ATRIP: variants seen among roughly 807,000 people sequenced by gnomAD.
ATRIP encodes the protein ATR-interacting protein.
In ATRIP, 44 loss-of-function variants were observed where a neutral mutation model predicts 78.1. The ratio of observed to expected loss-of-function variants is 0.56; its 90% CI spans 0.44 to 0.72. The LOEUF is 0.72. Ranked by LOEUF, ATRIP falls within the 30% of genes least tolerant of loss-of-function variation. The pLI, the probability that ATRIP is intolerant of heterozygous loss-of-function variation, is 0.00. For synonymous variants in ATRIP, 388 were observed against 408.9 expected, an observed-to-expected ratio of 0.95 and a Z score of 0.62; for missense variants, 927 against 980.2, an observed-to-expected ratio of 0.95 and a Z score of 0.72.
At chr3:48,451,432 A>G (rs1397267400) in intron 2 of ATRIP, among the ~76,000 whole-genome samples, 1 of 152,192 alleles carries the variant, frequency 6.6e-6, no homozygotes, top group Non-Finnish European at 1.5e-5. Context: ...TCAAGGTTAC[A>G]TTGAGCTATG....
At chr3:48,449,869 T>G (rs1378324900) in intron 1 of ATRIP, among the ~76,000 whole-genome samples, 168 bp from the exon 2 acceptor site, 1 of 144,490 alleles carries the variant, frequency 6.9e-6, no homozygotes, top group Non-Finnish European at 1.5e-5. Flanking sequence ...ACCCAGGAGG[T>G]CAAGGTGGCA....
At chr3:48,451,189 C>CA (rs796597857) in intron 2 of ATRIP, among the ~76,000 whole-genome samples, 3,171 of 142,012 alleles carry the variant, frequency 0.022, 104 homozygotes, top group African/African-American at 0.07. Flanking sequence ...GACTCCGTCT[C>CA]AAAAAAAAAA....
rs754385585 is a variant in ATRIP, at chr3:48,446,820, T to A, written c.-26T>A. Reference sequence around the variant, plus strand: ...GGCAGGCAAGTCTAGCTCGGCGCTGTCGGATACTTGGGGTGAGCGGAAAGC... The same window carrying A: ...GGCAGGCAAGTCTAGCTCGGCGCTGACGGATACTTGGGGTGAGCGGAAAGC... On this transcript the variant is annotated 5_prime_UTR_variant, in exon 1 of 13. Transcript: ENST00000320211. The A allele has an allele frequency of 7.2e-7, 1 of 1,385,924 alleles. No individual in the cohort carries two copies. The highest frequency in any genetic ancestry group is 9.4e-7 in the Non-Finnish European group (1 of 1,068,954). 85.9% of individuals were successfully genotyped at this position (1,385,924 alleles called of 1,614,324 possible).
chr3:48,446,936 A>G lies in ATRIP; in HGVS notation c.91A>G (p.Ser31Gly). The change falls in exon 1 of 13, where the codon AGC (serine) becomes GGC (glycine). Residue 31 changes from serine (S) to glycine (G), a missense_variant. Ser to Gly is a moderately conservative substitution (Grantham distance 56). Transcript: ENST00000320211. ...GPPPGTGHPP[S>G]KRARGFSAAA... ...GCCGCCGGGCACCGGGCACCCCCCG[A>G]GCAAGCGGGCCCGGGGCTTCTCCGC... The G allele has an allele frequency of 1.4e-6, 2 of 1,468,742 alleles. No individual in the cohort carries two copies. The highest frequency in any genetic ancestry group is 1.9e-4 in the Middle Eastern group (1 of 5,146). 91.0% of individuals were successfully genotyped at this position (1,468,742 alleles called of 1,614,324 possible).
At chr3:48,448,754 A>T (rs1399985334) in intron 1 of ATRIP, among the ~76,000 whole-genome samples, 1 of 152,306 alleles carries the variant, frequency 6.6e-6, no homozygotes, top group Non-Finnish European at 1.5e-5. Flanking sequence ...CAGCTCCTTC[A>T]AGTCTTCCCT....
chr3:48,449,929 C>A, intron 1 of ATRIP, 108 bp from the exon 2 acceptor site: 1 of 1,214,392 alleles, frequency 8.2e-7, no homozygotes, highest in Non-Finnish European at 1.2e-6. Flanking sequence ...CAGAGCAAGA[C>A]CCTATCTCAA....
At chr3:48,462,900 A>G (rs116314161) in intron 8 of ATRIP, among the ~76,000 whole-genome samples, 2,154 of 152,306 alleles carry the variant, frequency 0.014, 51 homozygotes, top group African/African-American at 0.048. Context: ...ACTAAAAAGC[A>G]TTGAACTTTT....
chr3:48,453,264 C>T (rs1394672303), intron 3 of ATRIP, among the ~76,000 whole-genome samples: 1 of 152,202 alleles, frequency 6.6e-6, no homozygotes, highest in Non-Finnish European at 1.5e-5. Context: ...TCCCTCAGCA[C>T]CTCCTCATGC....
chr3:48,460,930 G>A, intron 8 of ATRIP, 131 bp downstream of exon 8: 1 of 905,974 alleles, frequency 1.1e-6, no homozygotes, highest in Non-Finnish European at 1.6e-6. Context: ...TTGGTTCAGG[G>A]AGTTCTGAAG....
Position 48,459,246 on chromosome 3 carries a change from T to TC in ATRIP, c.830-111dup, listed in dbSNP as rs1270292587. The TC allele has an allele frequency of 4.7e-6, 4 of 849,862 alleles. No individual in the cohort carries two copies. In the African/African-American group the frequency reaches 6.8e-5, roughly 15 times the overall value. The allele number at this position is 849,862 out of a possible 1,614,324, so 52.6% of individuals were successfully genotyped here. ...TTGAGCCGCTTTGGCTCTTGTTTGTTCCAAGTTCGAAGAAGTAGAACAGCG... is the reference window on the plus strand; with the variant it reads ...TTGAGCCGCTTTGGCTCTTGTTTGTTCCCAAGTTCGAAGAAGTAGAACAGCG... On this transcript the variant is annotated intron_variant, in intron 5 of 12. Coordinates refer to ENST00000320211, the MANE Select transcript of ATRIP (RefSeq NM_130384.3).
Position 48,464,818 on chromosome 3 carries a change from C to T in ATRIP, c.2056-13C>T. The T allele has an allele frequency of 6.2e-7, 1 of 1,604,352 alleles. No individual in the cohort carries two copies. Among genetic ancestry groups the T allele is most frequent in the East Asian group, 2.2e-5 (1 of 44,598 alleles). ...GTGGCACCAGGCCTCAGTCTGCACC[C>T]CCCCTCTCTCAGGTGGTCAGAGCGC... On this transcript the variant is annotated splice_polypyrimidine_tract_variant and intron_variant, in intron 11 of 12. Transcript: ENST00000320211.
rs950729067 is a variant in ATRIP, at chr3:48,465,067, T to C, written c.2292T>C (p.Asp764=). The C allele has an allele frequency of 4.3e-6, 7 of 1,609,360 alleles. No individual in the cohort carries two copies. Among genetic ancestry groups the C allele is most frequent in the East Asian group, 4.5e-5 (2 of 44,758 alleles). ...GCATGCTCATCCGAGGGCTTCCTGA[T>C]GTGACGGACTGTGAAGGTAAGCCTG... ...GVSMLIRGLP[D]VTDCEEAALD... The change falls in exon 12 of 13, where the codon GAT becomes GAC. Residue 764 remains aspartate, a synonymous_variant. Transcript: ENST00000320211.
At chr3:48,448,206 G>T (rs932015685) in intron 1 of ATRIP, among the ~76,000 whole-genome samples, 4 of 133,534 alleles carry the variant, frequency 3.0e-5, no homozygotes, top group Non-Finnish European at 6.1e-5. Flanking sequence ...CTGTCACCCA[G>T]GCTGAAGTGC....
In ATRIP at chr3:48,466,643, T is replaced by TA; in HGVS notation, c.*1090dup. 2 of 1,613,440 alleles carry TA rather than the reference T, an allele frequency of 1.2e-6. No individual in the cohort carries two copies. The highest frequency in any genetic ancestry group is 1.7e-6 in the Non-Finnish European group (2 of 1,179,912). ...GCTCCTCTCCAGGCTCAGCAGCAGGTACGTACCCAACCATGGGCTCGCAGG... is the reference window on the plus strand; with the variant it reads ...GCTCCTCTCCAGGCTCAGCAGCAGGTAACGTACCCAACCATGGGCTCGCAGG... On this transcript the variant is annotated 3_prime_UTR_variant, in exon 13 of 13. Transcript: ENST00000320211.
At position 48,447,081 on chromosome 3, in the gene ATRIP, G is replaced by A; in HGVS notation, c.236G>A (p.Arg79Gln). 1.9e-6 allele frequency: 3 copies of A among 1,557,718 alleles called. No homozygotes were observed. The change falls in exon 1 of 13, where the codon CGG (arginine) becomes CAG (glutamine). Residue 79 changes from arginine (R) to glutamine (Q), a missense_variant. Arg to Gln is a conservative substitution (Grantham distance 43). Transcript: ENST00000320211. ...QALSQCPAAA[R>Q]DVSSDHKVHR... is the part of the protein sequence containing the mutation. ...CTGAGCCAATGTCCGGCCGCGGCTC[G>A]GGACGTGTCCAGTGAGTGCTCCTCG...
chr3:48,449,196 T>C (rs1407027780), intron 1 of ATRIP, among the ~76,000 whole-genome samples: 1 of 151,974 alleles, frequency 6.6e-6, no homozygotes, highest in Non-Finnish European at 1.5e-5. Context: ...GGCTGATCAC[T>C]TGAGGCGAGG....
At chr3:48,461,906 A>G (rs1343605138) in intron 8 of ATRIP, among the ~76,000 whole-genome samples, 1 of 152,140 alleles carries the variant, frequency 6.6e-6, no homozygotes, top group Non-Finnish European at 1.5e-5. Context: ...GGGTTTCACC[A>G]TGTTGGCCAG....
At chr3:48,451,685 T>C in intron 2 of ATRIP, 44 bp from the exon 3 acceptor site, 1 of 1,532,152 alleles carries the variant, frequency 6.5e-7, no homozygotes, top group Non-Finnish European at 8.8e-7. Flanking sequence ...ACCTAAGTAG[T>C]TTTCTCTTAC....
chr3:48,459,145 C>G (rs745685266), intron 5 of ATRIP, among the ~76,000 whole-genome samples: 2 of 152,178 alleles, frequency 1.3e-5, no homozygotes, highest in African/African-American at 2.4e-5. Context: ...TTGAGTGAGG[C>G]AAACAGCTTG....
Sources: gnomAD v4.1 joint callset for allele counts (sites outside exome capture counted in the v4.1 genomes callset) on GRCh38, gnomAD v4.1.1 for gene constraint, MANE v1.5 for transcripts, NCBI Gene and HGNC (gene_info 2026-07-23, HGNC 2026-07-21) for gene names.